COMMD1: variants seen among roughly 807,000 people sequenced by gnomAD.
COMMD1 encodes the protein COMM domain-containing protein 1.
In COMMD1, 10 loss-of-function variants were observed where a neutral mutation model predicts 17.2. The observed-to-expected ratio is 0.58, with a 90% CI of 0.36 to 0.99. COMMD1 has a LOEUF of 0.99. Among genes scored for constraint, COMMD1 ranks in the 50% least tolerant of loss-of-function variants. The probability of loss-of-function intolerance (pLI) is 0.01; values close to 1 mark genes in which losing one functional copy is unlikely to be tolerated. For missense variants in COMMD1, 270 were observed against 231.8 expected, an observed-to-expected ratio of 1.17 and a Z score of -1.07; for synonymous variants, 97 against 91.6, an observed-to-expected ratio of 1.06 and a Z score of -0.34.
chr2:62,112,511 G>A (rs1672482772), intron 2 of COMMD1, among the ~76,000 whole-genome samples: 2 of 152,208 alleles, frequency 1.3e-5, no homozygotes, highest in South Asian at 2.1e-4. Context: ...TAGTTAAAAT[G>A]TTTAGAACTC....
At chr2:62,073,062 T>G (rs1187411777) in intron 2 of COMMD1, among the ~76,000 whole-genome samples, 1 of 152,190 alleles carries the variant, frequency 6.6e-6, no homozygotes, top group Non-Finnish European at 1.5e-5. Context: ...GAATTCTGTG[T>G]CACTGCCCTG....
chr2:62,036,989 T>G (rs976330232), intron 2 of COMMD1, among the ~76,000 whole-genome samples: 3 of 152,228 alleles, frequency 2.0e-5, no homozygotes, highest in Non-Finnish European at 4.4e-5. Context: ...TACCTTGCAT[T>G]CAAGTATATT....
chr2:61,963,813 T>C (rs142383726), intron 1 of COMMD1, among the ~76,000 whole-genome samples: 2 of 152,344 alleles, frequency 1.3e-5, no homozygotes, highest in Non-Finnish European at 2.9e-5. Flanking sequence ...AAAAGAGGCC[T>C]GGGCACCGTG....
At chr2:61,963,757 A>T (rs1230119813) in intron 1 of COMMD1, among the ~76,000 whole-genome samples, 1 of 152,202 alleles carries the variant, frequency 6.6e-6, no homozygotes, top group East Asian at 1.9e-4. Flanking sequence ...AGTTAGGCCT[A>T]AGTCTTGGTA....
chr2:62,103,093 C>A (rs1672230587), intron 2 of COMMD1, among the ~76,000 whole-genome samples: 1 of 152,062 alleles, frequency 6.6e-6, no homozygotes, highest in Admixed American at 6.5e-5. Flanking sequence ...ATTCTCCTGC[C>A]TCAGCCTCCA....
At chr2:61,895,609 G>A (rs1033779076) in intron 1 of COMMD1, among the ~76,000 whole-genome samples, 4 of 152,048 alleles carry the variant, frequency 2.6e-5, no homozygotes, top group South Asian at 2.1e-4. Context: ...AATCCTGCCC[G>A]CAAAGAGACC....
At chr2:62,094,023 C>T (rs938233828) in intron 2 of COMMD1, among the ~76,000 whole-genome samples, 1 of 152,174 alleles carries the variant, frequency 6.6e-6, no homozygotes, top group Admixed American at 6.5e-5. Context: ...AGTAATGCCC[C>T]TGGTTGTCCC....
At chr2:62,045,126 C>G (rs895953312) in intron 2 of COMMD1, among the ~76,000 whole-genome samples, 1 of 151,990 alleles carries the variant, frequency 6.6e-6, no homozygotes, top group African/African-American at 2.4e-5. Context: ...TTTTTATGGA[C>G]AGTTTGGTGG....
At chr2:62,107,923 A>G (rs907086343) in intron 2 of COMMD1, among the ~76,000 whole-genome samples, 3 of 152,216 alleles carry the variant, frequency 2.0e-5, no homozygotes, top group African/African-American at 2.4e-5. Flanking sequence ...AAAAAACTCT[A>G]GAATTCAATG....
At chr2:62,033,212 C>T (rs1669956551) in intron 2 of COMMD1, among the ~76,000 whole-genome samples, 1 of 152,024 alleles carries the variant, frequency 6.6e-6, no homozygotes, top group Admixed American at 6.5e-5. Context: ...TTTACCAGAC[C>T]TGATTTACTT....
At chr2:61,958,697 G>A (rs906984241) in intron 1 of COMMD1, among the ~76,000 whole-genome samples, 1 of 152,144 alleles carries the variant, frequency 6.6e-6, no homozygotes, top group Non-Finnish European at 1.5e-5. Context: ...CTGTCAGAAT[G>A]TGTTAGATCA....
At chr2:61,966,562 A>T (rs968933288) in intron 1 of COMMD1, among the ~76,000 whole-genome samples, 6 of 152,206 alleles carry the variant, frequency 3.9e-5, no homozygotes, top group Admixed American at 2.6e-4. Flanking sequence ...AAATGAAACA[A>T]AGTTGGACTT....
chr2:61,991,813 A>G (rs575381325), intron 1 of COMMD1, among the ~76,000 whole-genome samples: 1 of 152,350 alleles, frequency 6.6e-6, no homozygotes, highest in Admixed American at 6.5e-5. Flanking sequence ...GTTGTAAGAC[A>G]CTAAAAGATA....
chr2:61,943,477 T>G (rs13003809), intron 1 of COMMD1, among the ~76,000 whole-genome samples: 1,607 of 152,296 alleles, frequency 0.011, 10 homozygotes, highest in Non-Finnish European at 0.017. Context: ...CAGTGAGTCA[T>G]TTCTGCCCTT....
intron 2 of COMMD1, among the ~76,000 whole-genome samples, chr2:62,062,498 G>A (rs1033215435): frequency 6.6e-6 from 1 of 152,058 alleles, no homozygotes; most frequent in Non-Finnish European, 1.5e-5. Context: ...AAAGTGCTGG[G>A]ATTACAGGTG....
chr2:62,075,721 T>C (rs988446877), intron 2 of COMMD1, among the ~76,000 whole-genome samples: 3 of 152,250 alleles, frequency 2.0e-5, no homozygotes, highest in Non-Finnish European at 2.9e-5. Flanking sequence ...TTCTGAGAGC[T>C]ACAACTCACA....
chr2:61,926,106 G>T (rs933746610), intron 1 of COMMD1, among the ~76,000 whole-genome samples: 4 of 152,030 alleles, frequency 2.6e-5, no homozygotes, highest in African/African-American at 9.7e-5. Flanking sequence ...GAGTAGCTGG[G>T]ACTACAGGTC....
At chr2:62,020,003 T>C (rs977038417) in intron 2 of COMMD1, among the ~76,000 whole-genome samples, 28 of 152,218 alleles carry the variant, frequency 1.8e-4, no homozygotes, top group Non-Finnish European at 3.4e-4. Flanking sequence ...CCTCCTATTA[T>C]TCTGCAGAAT....
intron 1 of COMMD1, among the ~76,000 whole-genome samples, chr2:62,000,072 G>A (rs778419586): frequency 1.3e-4 from 20 of 151,598 alleles, no homozygotes; most frequent in Non-Finnish European, 1.8e-4. Flanking sequence ...ACAGGTGTGC[G>A]CAACTACACC....
Sources: gnomAD v4.1 joint callset for allele counts (sites outside exome capture counted in the v4.1 genomes callset) on GRCh38, gnomAD v4.1.1 for gene constraint, MANE v1.5 for transcripts, NCBI Gene and HGNC (gene_info 2026-07-23, HGNC 2026-07-21) for gene names.